ACOX1: variants seen among roughly 807,000 people sequenced by gnomAD.
ACOX1 encodes acyl-CoA oxidase 1.
Under a neutral mutation model 75.5 loss-of-function variants are expected in ACOX1, and 41 were observed. The ratio of observed to expected loss-of-function variants is 0.54; its 90% CI spans 0.42 to 0.70. The LOEUF is 0.70. Ranked by LOEUF, ACOX1 falls within the 30% of genes least tolerant of loss-of-function variation. ACOX1 has a pLI of 0.00. For missense variants in ACOX1, 630 were observed against 837.5 expected (o/e 0.75, Z 3.06); for synonymous variants, 303 against 298.8 (o/e 1.01, Z -0.15).
chr17:75,960,472 C>T lies in ACOX1; in HGVS notation c.270-97G>A. ...AGAGCAAGGGAAGGAGACAAAAAAACCTTAAGTATGAATTAGTTGCGTGCA... is the reference window on the plus strand; with the variant it reads ...AGAGCAAGGGAAGGAGACAAAAAAATCTTAAGTATGAATTAGTTGCGTGCA... On this transcript the variant is annotated intron_variant, in intron 2 of 13. Coordinates refer to ENST00000293217, the MANE Select transcript of ACOX1 (RefSeq NM_004035.7). This position sits in a 1 kb window ranked among gnomAD's most constrained non-coding sequence, Gnocchi z 4.4. 7.6e-7 allele frequency: 1 copy of T among 1,310,694 alleles called. No homozygotes were observed. Among genetic ancestry groups the T allele is most frequent in the Non-Finnish European group, 1.1e-6 (1 of 935,822 alleles). The allele number at this position is 1,310,694 out of a possible 1,614,324, so 81.2% of individuals were successfully genotyped here. A position where few individuals can be genotyped will look rare whatever the true frequency, so the allele number is the denominator to read the frequency against.
intron 2 of ACOX1, among the ~76,000 whole-genome samples, chr17:75,969,013 C>T (rs1295803754): frequency 2.0e-5 from 3 of 152,048 alleles, no homozygotes; most frequent in African/African-American, 7.2e-5. Flanking sequence ...ACAGAGCTTG[C>T]TCAATATATT....
intron 6 of ACOX1, 55 bp downstream of exon 6, chr17:75,955,511 C>A: frequency 7.1e-7 from 1 of 1,409,472 alleles, no homozygotes; most frequent in Admixed American, 1.7e-5. Context: ...TTGTGAGTAA[C>A]AGCCACTCAA....
intron 13 of ACOX1, among the ~76,000 whole-genome samples, chr17:75,947,208 T>C (rs2065728900): frequency 6.6e-6 from 1 of 151,716 alleles, no homozygotes; most frequent in Non-Finnish European, 1.5e-5. Context: ...TTTAGAGCTA[T>C]GCATTGAATT....
chr17:75,973,860 C>T, intron 2 of ACOX1: 1 of 1,506,098 alleles, frequency 6.6e-7, no homozygotes, highest in Non-Finnish European at 9.2e-7. Context: ...TGCCAAACAG[C>T]TTTGGCCTTC....
chr17:75,957,002 T>TACAC lies in ACOX1; in HGVS notation c.538+456_538+457insGTGT, dbSNP rs1266989848. Reference sequence around the variant, plus strand: ...ATATATATATATATATATATATATATATATATACACACACACACCTCTCTC... The same window carrying TACAC: ...ATATATATATATATATATATATATATACACATATATACACACACACACCTCTCTC... On this transcript the variant is annotated intron_variant, in intron 4 of 13. Transcript: ENST00000293217. Among the ~76,000 whole-genome samples the TACAC allele has an allele frequency of 2.1e-4, 17 of 82,292 alleles. 1 individual carries two copies. The highest frequency in any genetic ancestry group is 7.1e-4 in the African/African-American group (17 of 23,786). 54.0% of individuals were successfully genotyped at this position (82,292 alleles called of 152,430 possible). A position where few individuals can be genotyped will look rare whatever the true frequency, so the allele number is the denominator to read the frequency against.
chr17:75,943,616 G>A lies in ACOX1; in HGVS notation c.*3132C>T, dbSNP rs1439152919. 1 of 152,226 alleles carries A rather than the reference G, an allele frequency of 6.6e-6. No individual in the cohort carries two copies. The highest frequency in any genetic ancestry group is 1.5e-5 in the Non-Finnish European group (1 of 68,046). The allele number at this position is 152,226 out of a possible 1,614,324, so 9.4% of individuals were successfully genotyped here. A position where few individuals can be genotyped will look rare whatever the true frequency, so the allele number is the denominator to read the frequency against. On this transcript the variant is annotated 3_prime_UTR_variant, in exon 14 of 14. Coordinates refer to ENST00000293217, the MANE Select transcript of ACOX1 (RefSeq NM_004035.7). The stretch of plus-strand genomic sequence containing the variant: ...TGTATGTGATCTGAAATTACAAGTG[G>A]TGACTTCTCAGAAAGCATATGAACA...
At position 75,942,403 on chromosome 17, in the gene ACOX1, C is replaced by G. The variant is rs1385907124; in HGVS notation, c.*4345G>C. On this transcript the variant is annotated 3_prime_UTR_variant, in exon 14 of 14. Transcript: ENST00000293217. ...CAAGATTTCGCCACTGCACTCTACC[C>G]TGGGTGAAAGAGCAAGACAACGTCT... 2 of 135,340 alleles carry G rather than the reference C, an allele frequency of 1.5e-5. No individual in the cohort carries two copies. Among genetic ancestry groups the G allele is most frequent in the African/African-American group, 5.8e-5 (2 of 34,260 alleles). The allele number at this position is 135,340 out of a possible 1,614,324, so 8.4% of individuals were successfully genotyped here. A position where few individuals can be genotyped will look rare whatever the true frequency, so the allele number is the denominator to read the frequency against.
rs551404389 is a variant in ACOX1, at chr17:75,956,372, C to T, written c.539-425G>A. On this transcript the variant is annotated intron_variant, in intron 4 of 13. Transcript: ENST00000293217. ...GGAAATATATATTCCAAGATAATAACTCAGAATGGAATAAGAAGATATAAA... is the reference window on the plus strand; with the variant it reads ...GGAAATATATATTCCAAGATAATAATTCAGAATGGAATAAGAAGATATAAA... Among the ~76,000 whole-genome samples, 478 of 152,138 alleles carry T rather than the reference C, an allele frequency of 3.1e-3. 2 individuals carry two copies. Among genetic ancestry groups the T allele is most frequent in the African/African-American group, 0.011 (455 of 41,536 alleles).
chr17:75,946,305 C>T lies in ACOX1; in HGVS notation c.*443G>A, dbSNP rs2065720020. The stretch of plus-strand genomic sequence containing the variant: ...CTTCAATCCTGCTTTTAAGCCAGGC[C>T]CCAGGGTAAGTCTGGTAGAACACTG... On this transcript the variant is annotated 3_prime_UTR_variant, in exon 14 of 14. Transcript: ENST00000293217. 5.0e-6 allele frequency: 1 copy of T among 198,756 alleles called. No homozygotes were observed. Among genetic ancestry groups the T allele is most frequent in the South Asian group, 7.8e-5 (1 of 12,810 alleles). The allele number at this position is 198,756 out of a possible 1,614,324, so 12.3% of individuals were successfully genotyped here.
intron 12 of ACOX1, 56 bp downstream of exon 12, chr17:75,949,161 A>G: frequency 1.2e-6 from 2 of 1,608,176 alleles, no homozygotes; most frequent in Non-Finnish European, 1.7e-6. Flanking sequence ...TGCCCAGCCA[A>G]CAATTATTTT....
rs1173742656 is a variant in ACOX1 at position 75,943,135 on chromosome 17, A to G, written c.*3613T>C. ...CAGCTACTCAGGAGGCTGAGGTGGG[A>G]GAATCGCTCGAACCCGGGAGGTGAA... is the stretch of plus-strand genomic sequence containing the variant. On this transcript the variant is annotated 3_prime_UTR_variant, in exon 14 of 14. Transcript: ENST00000293217. 6.6e-6 allele frequency: 1 copy of G among 151,390 alleles called. No homozygotes were observed. Among genetic ancestry groups the G allele is most frequent in the Non-Finnish European group, 1.5e-5 (1 of 67,942 alleles). The allele number at this position is 151,390 out of a possible 1,614,324, so 9.4% of individuals were successfully genotyped here. A position where few individuals can be genotyped will look rare whatever the true frequency, so the allele number is the denominator to read the frequency against.
chr17:75,978,957 GC>G lies in ACOX1; in HGVS notation c.109+7del. On this transcript the variant is annotated splice_region_variant and intron_variant, in intron 1 of 13. Transcript: ENST00000293217. The surrounding 1 kb of genome is among the most constrained non-coding windows in gnomAD (Gnocchi z 4.2). The stretch of plus-strand genomic sequence containing the variant: ...GGAAAGGAGGGAGGTCTCGCCCGCC[GC>G]CCTCACCGATCTCTCGGCGGCGCCG... 1 of 1,609,308 alleles carries G rather than the reference GC, an allele frequency of 6.2e-7. No homozygotes were observed.
rs150119717 is a variant in ACOX1, at chr17:75,966,783, G to C, written c.270-6408C>G. On this transcript the variant is annotated intron_variant, in intron 2 of 13. Coordinates refer to ENST00000293217, the MANE Select transcript of ACOX1 (RefSeq NM_004035.7). ...CCACTGCACTCCAGCCCAGGTGACA[G>C]TGCGAGATTCTGTCTCAAAAAAATT... 4.6e-5 allele frequency among the ~76,000 whole-genome samples: 7 copies of C among 152,216 alleles called. No homozygotes were observed. The East Asian group carries it at 1.3e-3, about 29-fold the overall frequency.
chr17:75,953,263 AG>A, intron 7 of ACOX1, 187 bp downstream of exon 7: 1 of 594,584 alleles, frequency 1.7e-6, no homozygotes, highest in Admixed American at 2.7e-5. Context: ...GATTATAGCA[AG>A]GGTGGTTATT....
At chr17:75,968,145 T>C (rs908129858) in intron 2 of ACOX1, among the ~76,000 whole-genome samples, 1 of 151,424 alleles carries the variant, frequency 6.6e-6, no homozygotes, top group Non-Finnish European at 1.5e-5. Context: ...GTTAGAAATA[T>C]ATTAAAGTAG....
intron 2 of ACOX1, among the ~76,000 whole-genome samples, chr17:75,973,144 G>C (rs373013931): frequency 6.6e-5 from 10 of 152,208 alleles, no homozygotes; most frequent in African/African-American, 2.4e-4. Context: ...GTCAGATGAA[G>C]AGAATCATGG....
chr17:75,974,967 G>A (rs531536339), intron 2 of ACOX1, among the ~76,000 whole-genome samples: 2 of 147,332 alleles, frequency 1.4e-5, no homozygotes, highest in Non-Finnish European at 3.0e-5. Context: ...GGAGAATGGC[G>A]TGAACCCGGG....
chr17:75,962,846 CAG>C (rs1273429196), intron 2 of ACOX1, among the ~76,000 whole-genome samples: 2 of 152,064 alleles, frequency 1.3e-5, no homozygotes, highest in African/African-American at 4.8e-5. Flanking sequence ...GTAACAGACA[CAG>C]GGGCCAGGCG....
chr17:75,959,566 G>A (rs894557760), intron 3 of ACOX1, among the ~76,000 whole-genome samples: 6 of 152,246 alleles, frequency 3.9e-5, no homozygotes, highest in African/African-American at 1.2e-4. Context: ...GAGGAACAGC[G>A]GCCACCTCCA....
Sources: allele counts gnomAD v4.1 joint callset (sites outside exome capture counted in the v4.1 genomes callset), GRCh38; gene constraint gnomAD v4.1.1; non-coding constraint Gnocchi (gnomAD v3.1); transcripts MANE v1.5; gene names NCBI Gene and HGNC (gene_info 2026-07-23, HGNC 2026-07-21).